Variants in CRTAC1 observed in about 807,000 individuals in gnomAD.
CRTAC1 encodes acidic secreted protein in cartilage.
CRTAC1 carries 37 observed loss-of-function variants against 67.8 expected under a neutral mutation model. The ratio of observed to expected loss-of-function variants is 0.55; its 90% CI spans 0.42 to 0.72. The LOEUF is 0.72. Among genes scored for constraint, CRTAC1 ranks in the 30% least tolerant of loss-of-function variants. The pLI, the probability that CRTAC1 is intolerant of heterozygous loss-of-function variation, is 0.00. For missense variants in CRTAC1, 780 were observed against 931.6 expected (o/e 0.84, Z 2.12); for synonymous variants, 348 against 371.0 (o/e 0.94, Z 0.71).
intron 3 of CRTAC1, among the ~76,000 whole-genome samples, chr10:97,931,968 C>T (rs2051010423): frequency 6.6e-6 from 1 of 152,180 alleles, no homozygotes; most frequent in African/African-American, 2.4e-5. Context: ...AGTAGTGTTG[C>T]CTGAGATGCT....
chr10:98,006,158 A>G (rs1476478760), intron 2 of CRTAC1, among the ~76,000 whole-genome samples: 3 of 152,230 alleles, frequency 2.0e-5, no homozygotes, highest in Non-Finnish European at 2.9e-5. Context: ...GCTCTAAAGG[A>G]ATTGTACAAG....
Position 97,995,686 on chromosome 10 carries a change from T to A in CRTAC1, c.224+15452A>T, listed in dbSNP as rs193223864. On this transcript the variant is annotated intron_variant, in intron 2 of 14. Coordinates refer to ENST00000370597, the MANE Select transcript of CRTAC1 (RefSeq NM_018058.7). ...TGAAATTAGACCTGGCAGCAATGAA[T>A]GGTAAATACATGGAAATGAGGGACT... 1.4e-3 allele frequency among the ~76,000 whole-genome samples: 212 copies of A among 152,248 alleles called. 1 individual carries two copies. Among genetic ancestry groups the A allele is most frequent in the African/African-American group, 4.8e-3 (198 of 41,544 alleles).
chr10:97,884,107 G>A, intron 12 of CRTAC1, 99 bp downstream of exon 12: 1 of 1,391,526 alleles, frequency 7.2e-7, no homozygotes, highest in East Asian at 2.5e-5. Context: ...CATCACTCTA[G>A]AGGCTGAGTT....
At position 97,880,356 on chromosome 10, in the gene CRTAC1, G is replaced by A. The variant is rs1302569302; in HGVS notation, c.1712C>T (p.Pro571Leu). The change falls in exon 14 of 15, where the codon CCT becomes CTT. Residue 571 changes from proline (P) to leucine (L), a missense_variant. Physicochemically the swap from Pro to Leu is moderately conservative, Grantham distance 98 (BLOSUM62 -3). Coordinates refer to ENST00000370597, the MANE Select transcript of CRTAC1 (RefSeq NM_018058.7). ...NECIQFPFVC[P>L]RDKPVCVNTY... ...GTTGACACATACGGGCTTGTCTCGA[G>A]GGCACACGAATGGGAACTGGATGCA... 1.2e-6 allele frequency: 2 copies of A among 1,614,044 alleles called. No homozygotes were observed. The highest frequency in any genetic ancestry group is 1.7e-6 in the Non-Finnish European group (2 of 1,179,984).
At chr10:98,010,515 C>T (rs920282613) in intron 2 of CRTAC1, among the ~76,000 whole-genome samples, 1 of 152,136 alleles carries the variant, frequency 6.6e-6, no homozygotes, top group African/African-American at 2.4e-5. Context: ...GGAACGTTTA[C>T]ACCTTAGGGC....
At chr10:97,898,265 G>A (rs761299875) in intron 8 of CRTAC1, among the ~76,000 whole-genome samples, 3 of 152,212 alleles carry the variant, frequency 2.0e-5, no homozygotes, top group Admixed American at 6.5e-5. Flanking sequence ...CTCAGAGTCC[G>A]TGTTAACAGG....
intron 2 of CRTAC1, among the ~76,000 whole-genome samples, chr10:97,959,856 C>T (rs1208750046): frequency 1.3e-5 from 2 of 152,230 alleles, no homozygotes; most frequent in African/African-American, 4.8e-5. Flanking sequence ...GCACAACATC[C>T]TTCCCCAGTA....
chr10:97,977,308 G>A (rs968476553), intron 2 of CRTAC1, among the ~76,000 whole-genome samples: 3 of 152,214 alleles, frequency 2.0e-5, no homozygotes, highest in Non-Finnish European at 4.4e-5. Context: ...TACTATGGCC[G>A]GGGAGGAGAG....
At position 97,904,766 on chromosome 10, in the gene CRTAC1, A is replaced by C; in HGVS notation, c.899T>G (p.Phe300Cys). Residue 300 changes from phenylalanine to cysteine, a missense_variant, in exon 7 of 15, where the codon TTC (phenylalanine) becomes TGC (cysteine). Coordinates refer to ENST00000370597, the MANE Select transcript of CRTAC1 (RefSeq NM_018058.7). ...QHGRGVALADFNRDGKVDIVY... is the reference protein window; with the variant it reads ...QHGRGVALADCNRDGKVDIVY... ...GATGTCCACTTTGCCATCACGGTTG[A>C]AGTCAGCCAGGGCGACACCTCGCCC... 1 of 1,606,620 alleles carries C rather than the reference A, an allele frequency of 6.2e-7. No individual in the cohort carries two copies. The highest frequency in any genetic ancestry group is 8.5e-7 in the Non-Finnish European group (1 of 1,177,010).
At chr10:98,025,439 C>T (rs962129664) in intron 1 of CRTAC1, among the ~76,000 whole-genome samples, 4 of 152,126 alleles carry the variant, frequency 2.6e-5, no homozygotes, top group Non-Finnish European at 4.4e-5. Context: ...TCAAGGATTT[C>T]GATAAGGTAA....
chr10:97,895,459 T>G lies in CRTAC1; in HGVS notation c.1318-46A>C. On this transcript the variant is annotated intron_variant, in intron 10 of 14. Coordinates refer to ENST00000370597, the MANE Select transcript of CRTAC1 (RefSeq NM_018058.7). The surrounding 1 kb of genome is among the most constrained non-coding windows in gnomAD (Gnocchi z 4.2). The stretch of plus-strand genomic sequence containing the variant: ...AGACACCCGGTGGGCATCAGCATGG[T>G]GGGTGGGAAGAGCAGGGAGCCAGGG... 1 of 1,529,682 alleles carries G rather than the reference T, an allele frequency of 6.5e-7. No homozygotes were observed. Among genetic ancestry groups the G allele is most frequent in the Non-Finnish European group, 8.8e-7 (1 of 1,138,502 alleles). The allele number at this position is 1,529,682 out of a possible 1,614,324, so 94.8% of individuals were successfully genotyped here. A position where few individuals can be genotyped will look rare whatever the true frequency, so the allele number is the denominator to read the frequency against.
At chr10:97,926,515 G>A (rs2050921845) in intron 3 of CRTAC1, among the ~76,000 whole-genome samples, 1 of 152,122 alleles carries the variant, frequency 6.6e-6, no homozygotes, top group South Asian at 2.1e-4. Flanking sequence ...TCAGACTTTG[G>A]AAAGGTAACA....
At chr10:98,026,195 G>A (rs1472305003) in intron 1 of CRTAC1, among the ~76,000 whole-genome samples, 1 of 152,210 alleles carries the variant, frequency 6.6e-6, no homozygotes, top group East Asian at 1.9e-4. Context: ...ATGGTTGTCA[G>A]CCTCATCATT....
At chr10:97,881,441 G>A (rs752591477) in intron 13 of CRTAC1, among the ~76,000 whole-genome samples, 17 of 152,164 alleles carry the variant, frequency 1.1e-4, no homozygotes, top group Non-Finnish European at 2.1e-4. Flanking sequence ...TGCTCAGAGG[G>A]TTCTGAAATC....
chr10:97,952,693 C>T (rs1384819890), intron 2 of CRTAC1, among the ~76,000 whole-genome samples: 2 of 152,108 alleles, frequency 1.3e-5, no homozygotes, highest in Admixed American at 6.5e-5. Context: ...ATCCCTGGTC[C>T]TTCCAATCTC....
intron 11 of CRTAC1, among the ~76,000 whole-genome samples, chr10:97,885,822 C>T (rs956239684): frequency 1.3e-5 from 2 of 152,252 alleles, no homozygotes; most frequent in Admixed American, 6.5e-5. Context: ...AGTCAATACA[C>T]TCCCCCAAAC....
chr10:98,001,938 G>A (rs1206355168), intron 2 of CRTAC1, among the ~76,000 whole-genome samples: 2 of 152,190 alleles, frequency 1.3e-5, no homozygotes, highest in Non-Finnish European at 2.9e-5. Flanking sequence ...CGTCAGATCC[G>A]CCCCCTGGAG....
intron 3 of CRTAC1, among the ~76,000 whole-genome samples, chr10:97,924,106 A>G (rs1436539411): frequency 6.6e-6 from 1 of 151,948 alleles, no homozygotes; most frequent in Non-Finnish European, 1.5e-5. Flanking sequence ...TCTGCACACC[A>G]CACAACATGC....
At position 97,875,105 on chromosome 10, in the gene CRTAC1, T is replaced by C. The variant is rs540256404; in HGVS notation, c.1819+5144A>G. Among the ~76,000 whole-genome samples the C allele has an allele frequency of 8.6e-4, 131 of 152,348 alleles. 1 individual carries two copies. Among genetic ancestry groups the C allele is most frequent in the African/African-American group, 3.1e-3 (128 of 41,590 alleles). Reference sequence around the variant, plus strand: ...GTTAAATAACTTCCCCAGTGTCAGTTACCTAGAGATCGCACAGCATAAGGC... The same window carrying C: ...GTTAAATAACTTCCCCAGTGTCAGTCACCTAGAGATCGCACAGCATAAGGC... On this transcript the variant is annotated intron_variant, in intron 14 of 14. Coordinates refer to ENST00000370597, the MANE Select transcript of CRTAC1 (RefSeq NM_018058.7).
Sources: gnomAD v4.1 joint callset for allele counts (sites outside exome capture counted in the v4.1 genomes callset) on GRCh38, gnomAD v4.1.1 for gene constraint, Gnocchi (gnomAD v3.1) non-coding constraint, MANE v1.5 for transcripts, NCBI Gene and HGNC (gene_info 2026-07-23, HGNC 2026-07-21) for gene names.